Variants in VPS13C observed in about 807,000 individuals in gnomAD.
VPS13C encodes the protein vacuolar protein sorting 13 homolog C, also known as intermembrane lipid transfer protein VPS13C.
A neutral mutation model predicts 456.8 loss-of-function variants in VPS13C; 358 were observed. The observed-to-expected ratio is 0.78, with a 90% CI of 0.72 to 0.86. The LOEUF (loss-of-function observed/expected upper bound fraction) is 0.86, where lower values mean the gene tolerates loss of function less well. VPS13C is among the 40% of genes least tolerant of loss of function. The pLI, the probability that VPS13C is intolerant of heterozygous loss-of-function variation, is 0.00. For missense variants in VPS13C, 4,818 were observed against 4,385.4 expected (o/e 1.10, Z -2.79); for synonymous variants, 1,578 against 1,486.7 (o/e 1.06, Z -1.41).
At chr15:61,936,565 T>G in intron 48 of VPS13C, 32 bp downstream of exon 48, 2 of 1,498,776 alleles carry the variant, frequency 1.3e-6, no homozygotes. Flanking sequence ...CACCAATTTT[T>G]TCTCCATAAA....
chr15:61,867,189 T>G lies in VPS13C; in HGVS notation c.10863+1470A>C. The G allele has an allele frequency of 2.0e-6, 2 of 983,110 alleles. No homozygotes were observed. The highest frequency in any genetic ancestry group is 2.4e-6 in the Non-Finnish European group (2 of 827,836). The allele number at this position is 983,110 out of a possible 1,614,324, so 60.9% of individuals were successfully genotyped here. A position where few individuals can be genotyped will look rare whatever the true frequency, so the allele number is the denominator to read the frequency against. ...ATTACATGTTCAACTTCTATCTACATTAATTAAAACTAATAATTATGAAAT... is the reference window on the plus strand; with the variant it reads ...ATTACATGTTCAACTTCTATCTACAGTAATTAAAACTAATAATTATGAAAT... On this transcript the variant is annotated intron_variant, in intron 81 of 84. Transcript: ENST00000644861. This position sits in a 1 kb window ranked among gnomAD's most constrained non-coding sequence, Gnocchi z 5.0.
intron 77 of VPS13C, among the ~76,000 whole-genome samples, chr15:61,874,539 T>C (rs1895272325): frequency 6.6e-6 from 1 of 152,066 alleles, no homozygotes. Flanking sequence ...TATCACAATA[T>C]ATAGCATGCA....
rs539490268 is a variant in VPS13C, at chr15:61,890,084, C to A, written c.9341+81G>T. Reference sequence around the variant, plus strand: ...AGCATACCAAAGTCAAACCAGGTATCTTTTTACTTTCTTCAAATCGGCTAT... The same window carrying A: ...AGCATACCAAAGTCAAACCAGGTATATTTTTACTTTCTTCAAATCGGCTAT... On this transcript the variant is annotated intron_variant, in intron 67 of 84. Coordinates refer to ENST00000644861, the MANE Select transcript of VPS13C (RefSeq NM_020821.3). The A allele has an allele frequency of 1.1e-4, 143 of 1,322,438 alleles. 7 individuals carry two copies. The South Asian group carries it at 1.8e-3, about 17-fold the overall frequency. 81.9% of individuals were successfully genotyped at this position (1,322,438 alleles called of 1,614,324 possible).
chr15:61,857,300 CGAGA>C (rs368748137), intron 82 of VPS13C, among the ~76,000 whole-genome samples: 3 of 150,898 alleles, frequency 2.0e-5, no homozygotes, highest in Admixed American at 6.6e-5. Context: ...TCTTTTGGAG[CGAGA>C]GAGAGAGAGG....
chr15:61,863,382 A>G, intron 82 of VPS13C, 58 bp downstream of exon 82: 1 of 1,343,404 alleles, frequency 7.4e-7, no homozygotes, highest in Non-Finnish European at 1.0e-6. Context: ...AGCCTTCAAA[A>G]TTCTTGTGAC....
At chr15:62,003,343 T>G (rs1434709411) in intron 15 of VPS13C, among the ~76,000 whole-genome samples, 3 of 151,656 alleles carry the variant, frequency 2.0e-5, no homozygotes, top group Non-Finnish European at 4.4e-5. Context: ...TGTATAAGAA[T>G]GCTTGTGATT....
At chr15:61,920,746 T>C (rs780468634) in intron 55 of VPS13C, 99 bp from the exon 56 acceptor site, 1 of 1,080,910 alleles carries the variant, frequency 9.3e-7, no homozygotes, top group Admixed American at 3.4e-5. Flanking sequence ...CACTTTATAG[T>C]AATGCTTCGC....
rs144638449 is a variant in VPS13C at position 61,920,891 on chromosome 15, A to G, written c.7063-244T>C. On this transcript the variant is annotated intron_variant, in intron 55 of 84. Transcript: ENST00000644861. ...ATGAAATTACTCAAAGCCAGCTACAATATTTGTCTCTTATGCATTCCTCAG... is the reference window on the plus strand; with the variant it reads ...ATGAAATTACTCAAAGCCAGCTACAGTATTTGTCTCTTATGCATTCCTCAG... Among the ~76,000 whole-genome samples, 890 of 152,190 alleles carry G rather than the reference A, an allele frequency of 5.8e-3. 7 individuals are homozygous for G. The highest frequency in any genetic ancestry group is 0.021 in the African/African-American group (852 of 41,544).
At chr15:62,036,679 C>T (rs899974509) in intron 3 of VPS13C, among the ~76,000 whole-genome samples, 14 of 152,058 alleles carry the variant, frequency 9.2e-5, no homozygotes, top group Admixed American at 3.9e-4. Flanking sequence ...AAGTGGGAAA[C>T]GTCCCTTTAA....
chr15:61,884,659 G>A (rs1896133570), intron 67 of VPS13C, among the ~76,000 whole-genome samples: 1 of 151,046 alleles, frequency 6.6e-6, no homozygotes, highest in African/African-American at 2.4e-5. Flanking sequence ...ATAATTAAGA[G>A]CAATTCTTAA....
chr15:61,895,835 T>C (rs572192098), intron 66 of VPS13C, among the ~76,000 whole-genome samples: 3 of 152,236 alleles, frequency 2.0e-5, no homozygotes, highest in African/African-American at 7.2e-5. Context: ...AGGGAAAGAT[T>C]TCTTAAAGGA....
In VPS13C at chr15:61,929,355, C is replaced by G. The variant is rs34486946; in HGVS notation, c.6286+146G>C. The G allele has an allele frequency of 0.072, 86,353 of 1,192,040 alleles. 3,419 individuals are homozygous for G. Among genetic ancestry groups the G allele is most frequent in the Non-Finnish European group, 0.081 (71,623 of 888,314 alleles). 73.8% of individuals were successfully genotyped at this position (1,192,040 alleles called of 1,614,324 possible). On this transcript the variant is annotated intron_variant, in intron 51 of 84. Transcript: ENST00000644861. ...TCTCTCTTAAAAATGTTTTAAAAAA[C>G]TAAAAAGCTAAAGTTTTTATATAGA...
intron 48 of VPS13C, among the ~76,000 whole-genome samples, chr15:61,934,815 ATC>A (rs1458974903): frequency 6.6e-6 from 1 of 152,140 alleles, no homozygotes; most frequent in Non-Finnish European, 1.5e-5. Context: ...CAGTGGCACG[ATC>A]TCAGCTCACT....
intron 15 of VPS13C, among the ~76,000 whole-genome samples, chr15:62,005,695 TTTTTA>T (rs1020044461): frequency 1.3e-5 from 2 of 151,944 alleles, no homozygotes; most frequent in African/African-American, 2.4e-5. Context: ...TTTTTTTTAT[TTTTTA>T]TTTTATTTTA....
intron 38 of VPS13C, among the ~76,000 whole-genome samples, chr15:61,952,864 C>T (rs1782393178): frequency 6.6e-6 from 1 of 151,750 alleles, no homozygotes; most frequent in Admixed American, 6.6e-5. Context: ...AGGCACATGC[C>T]ACCACAACTG....
intron 9 of VPS13C, among the ~76,000 whole-genome samples, chr15:62,020,194 C>A (rs1188105296): frequency 6.6e-6 from 1 of 151,768 alleles, no homozygotes; most frequent in Non-Finnish European, 1.5e-5. Flanking sequence ...TACAGAAATT[C>A]ATCTTCCCCT....
At chr15:61,980,877 A>G (rs2045863835) in intron 22 of VPS13C, among the ~76,000 whole-genome samples, 1 of 152,078 alleles carries the variant, frequency 6.6e-6, no homozygotes, top group South Asian at 2.1e-4. Flanking sequence ...GTCCCCTCAT[A>G]TATTTGAAAT....
chr15:61,991,947 C>T, intron 16 of VPS13C, 145 bp from the exon 17 acceptor site: 1 of 900,542 alleles, frequency 1.1e-6, no homozygotes, highest in Non-Finnish European at 1.6e-6. Context: ...ATGATGCTCA[C>T]AACATAATTT....
chr15:61,999,920 A>C (rs1378995251), intron 16 of VPS13C, among the ~76,000 whole-genome samples: 2 of 150,580 alleles, frequency 1.3e-5, no homozygotes, highest in Admixed American at 6.7e-5. Context: ...AAAAAAAAAA[A>C]AGGAGATAAA....
Sources: gnomAD v4.1 joint callset for allele counts (sites outside exome capture counted in the v4.1 genomes callset) on GRCh38, gnomAD v4.1.1 for gene constraint, Gnocchi (gnomAD v3.1) non-coding constraint, MANE v1.5 for transcripts, NCBI Gene and HGNC (gene_info 2026-07-23, HGNC 2026-07-21) for gene names.